The following PIK3R1 variants were observed in gnomAD, a reference collection of about 807,000 sequenced individuals.
PIK3R1 encodes the protein phosphatidylinositol 3-kinase regulatory subunit alpha.
A neutral mutation model predicts 98.0 loss-of-function variants in PIK3R1; 29 were observed. That is an observed-to-expected ratio of 0.30 (90% confidence interval 0.22 to 0.40). The LOEUF (loss-of-function observed/expected upper bound fraction) is 0.40. PIK3R1 is among the 10% of genes least tolerant of loss of function. The pLI is 1.00. For missense variants in PIK3R1, 596 were observed against 872.7 expected (o/e 0.68, Z 3.99); for synonymous variants, 282 against 311.8 (o/e 0.90, Z 1.01).
intron 2 of PIK3R1, among the ~76,000 whole-genome samples, chr5:68,253,129 C>A (rs1224922227): frequency 6.6e-6 from 1 of 152,080 alleles, no homozygotes; most frequent in Non-Finnish European, 1.5e-5. Flanking sequence ...CATACTTTTT[C>A]CTTGAATATT....
chr5:68,291,516 C>T (rs1401582900), intron 7 of PIK3R1: 5 of 151,612 alleles, frequency 3.3e-5, no homozygotes, highest in Admixed American at 6.6e-5. Context: ...CTCCCCCTGC[C>T]CCCATTTAAG....
At chr5:68,297,362 G>T (rs1158033180) in intron 15 of PIK3R1, 50 bp from the exon 16 acceptor site, 2 of 1,434,206 alleles carry the variant, frequency 1.4e-6, no homozygotes, top group South Asian at 2.5e-5. Flanking sequence ...GAAGAGTTGT[G>T]AATTGTCTTG....
At position 68,295,338 on chromosome 5, in the gene PIK3R1, A is replaced by G. The variant is rs1321466058; in HGVS notation, c.1745+14A>G. On this transcript the variant is annotated intron_variant, in intron 13 of 15. Transcript: ENST00000521381. ...CCAATACTTGATGTAAGTATTTGAA[A>G]TGGAATCCTATACATGAATAATTGG... The G allele has an allele frequency of 4.3e-6, 7 of 1,613,416 alleles. No individual in the cohort carries two copies. The highest frequency in any genetic ancestry group is 5.9e-6 in the Non-Finnish European group (7 of 1,179,328).
chr5:68,262,414 A>T, intron 2 of PIK3R1, among the ~76,000 whole-genome samples: 1 of 146,382 alleles, frequency 6.8e-6, no homozygotes, highest in Non-Finnish European at 1.5e-5. Flanking sequence ...ACACACACGC[A>T]CACACACACA....
At chr5:68,273,103 G>A (rs1016760785) in intron 2 of PIK3R1, among the ~76,000 whole-genome samples, 3 of 152,072 alleles carry the variant, frequency 2.0e-5, no homozygotes, top group Admixed American at 2.0e-4. Flanking sequence ...CCCCACCTTT[G>A]GGGCCCAGGG....
At chr5:68,244,702 T>C (rs192191061) in intron 2 of PIK3R1, among the ~76,000 whole-genome samples, 1 of 152,262 alleles carries the variant, frequency 6.6e-6, no homozygotes, top group African/African-American at 2.4e-5. Flanking sequence ...TTTGAAGTTT[T>C]CTTCCTTCGT....
rs191052660 is a variant in PIK3R1, at chr5:68,236,557, G to A, written c.334+9548G>A. Among the ~76,000 whole-genome samples, 5 of 152,196 alleles carry A rather than the reference G, an allele frequency of 3.3e-5. No homozygotes were observed. The East Asian group carries it at 5.8e-4, about 18-fold the overall frequency. On this transcript the variant is annotated intron_variant, in intron 2 of 15. Coordinates refer to ENST00000521381, the MANE Select transcript of PIK3R1 (RefSeq NM_181523.3). ...AGCCACCACGCCTGGCCCTATAACC[G>A]TTTTTGAGATTTAAAAACTGAAGGT...
chr5:68,301,366 A>ATATATATATATC lies in PIK3R1; in HGVS notation c.*3766_*3767insATATATATATCT, dbSNP rs34491401. ...GCTATATATATATATATATATATAT[A>ATATATATATATC]TGTGTGTGTGTGTGTGTGTGTGTGT... is the stretch of plus-strand genomic sequence containing the variant. On this transcript the variant is annotated 3_prime_UTR_variant, in exon 16 of 16. Transcript: ENST00000521381. 1 of 63,316 alleles carries ATATATATATATC rather than the reference A, an allele frequency of 1.6e-5. No individual in the cohort carries two copies. Among genetic ancestry groups the ATATATATATATC allele is most frequent in the Non-Finnish European group, 2.7e-5 (1 of 36,760 alleles). 3.9% of individuals were successfully genotyped at this position (63,316 alleles called of 1,614,324 possible).
rs189010786 is a variant in PIK3R1, at chr5:68,261,350, C to T, written c.335-12040C>T. Among the ~76,000 whole-genome samples the T allele has an allele frequency of 2.5e-3, 376 of 152,124 alleles. 3 individuals are homozygous for T. Among genetic ancestry groups the T allele is most frequent in the Non-Finnish European group, 1.9e-3 (130 of 67,998 alleles). On this transcript the variant is annotated intron_variant, in intron 2 of 15. Transcript: ENST00000521381. ...GGCCTGGAGACATTAAATGTTTTGC[C>T]CAAAGTTACCAACATGTTGTTGGCA... is the stretch of plus-strand genomic sequence containing the variant.
At chr5:68,292,932 A>G (rs2112249388) in intron 8 of PIK3R1, 169 bp from the exon 9 acceptor site, 3 of 679,638 alleles carry the variant, frequency 4.4e-6, no homozygotes, top group African/African-American at 1.8e-5. Flanking sequence ...TGAAAATGCA[A>G]TTCATTAATT....
chr5:68,222,386 A>G (rs1215335444), intron 1 of PIK3R1, among the ~76,000 whole-genome samples: 1 of 152,110 alleles, frequency 6.6e-6, no homozygotes, highest in Non-Finnish European at 1.5e-5. Context: ...ATATCCCCCT[A>G]AGGAGGAGCT....
Position 68,274,014 on chromosome 5 carries a change from G to C in PIK3R1, c.502+1G>C, listed in dbSNP as rs773461483. 2 of 1,611,946 alleles carry C rather than the reference G, an allele frequency of 1.2e-6. No homozygotes were observed. On this transcript the variant is annotated splice_donor_variant, in intron 4 of 15. Transcript: ENST00000521381. LOFTEE classifies it high-confidence loss of function. ...GAATTACGACAGCTTCTTGATTGTG[G>C]TGAGTGTCACAGAGCTAGAAATGCA...
At chr5:68,290,973 T>TA (rs1249212348) in intron 7 of PIK3R1, 5 of 593,608 alleles carry the variant, frequency 8.4e-6, no homozygotes, top group African/African-American at 3.8e-5. Flanking sequence ...GCTCATGGCT[T>TA]AAAAATTAAA....
intron 2 of PIK3R1, among the ~76,000 whole-genome samples, chr5:68,227,405 A>G (rs1474794973): frequency 6.6e-6 from 1 of 152,210 alleles, no homozygotes; most frequent in African/African-American, 2.4e-5. Flanking sequence ...GGAAATTCTC[A>G]TTAGAGCATT....
chr5:68,218,878 ATATCACAGCTTTT>A (rs1401079322), intron 1 of PIK3R1, among the ~76,000 whole-genome samples: 3 of 152,232 alleles, frequency 2.0e-5, no homozygotes, highest in Admixed American at 2.0e-4. Flanking sequence ...AATATAAATT[ATATCACAGCTTTT>A]TATCAAAACC....
intron 4 of PIK3R1, among the ~76,000 whole-genome samples, chr5:68,276,869 G>A (rs1356048514): frequency 1.3e-5 from 2 of 152,268 alleles, no homozygotes; most frequent in Non-Finnish European, 1.5e-5. Flanking sequence ...CATTTAACAC[G>A]TTGTATGTGC....
rs543776307 is a variant in PIK3R1, at chr5:68,284,309, C to T, written c.916+3303C>T. 7.2e-5 allele frequency among the ~76,000 whole-genome samples: 11 copies of T among 152,268 alleles called. No homozygotes were observed. In the South Asian group the frequency reaches 2.3e-3, roughly 32 times the overall value. ...CCTGTCAGGCCTTTTTCCTTACTGA[C>T]GCCATGTTCCCAGCCAGCAGAGCTA... On this transcript the variant is annotated intron_variant, in intron 7 of 15. Transcript: ENST00000521381.
intron 7 of PIK3R1, chr5:68,288,477 C>T (rs932892436): frequency 2.3e-5 from 30 of 1,306,768 alleles, no homozygotes; most frequent in Non-Finnish European, 2.8e-5. Context: ...GGCGGTGGCC[C>T]GGACGCACTG....
intron 4 of PIK3R1, among the ~76,000 whole-genome samples, chr5:68,276,148 T>G (rs953752447): frequency 1.3e-5 from 2 of 152,332 alleles, no homozygotes; most frequent in African/African-American, 4.8e-5. Context: ...TGATTCAGAT[T>G]TTCACCTGAC....
Sources: gnomAD v4.1 joint callset for allele counts (sites outside exome capture counted in the v4.1 genomes callset) on GRCh38, gnomAD v4.1.1 for gene constraint, MANE v1.5 for transcripts, NCBI Gene and HGNC (gene_info 2026-07-23, HGNC 2026-07-21) for gene names.